The following DCLRE1A variants were observed in gnomAD, a reference collection of about 807,000 sequenced individuals.
DCLRE1A encodes the protein DNA cross-link repair 1A protein.
A neutral mutation model predicts 91.9 loss-of-function variants in DCLRE1A; 64 were observed. The observed-to-expected ratio is 0.70, with a 90% CI of 0.57 to 0.86. The LOEUF (loss-of-function observed/expected upper bound fraction) is 0.86. Among genes scored for constraint, DCLRE1A ranks in the 40% least tolerant of loss-of-function variants. The pLI, the probability that DCLRE1A is intolerant of heterozygous loss-of-function variation, is 0.00. For missense variants in DCLRE1A, 1,145 were observed against 1,213.3 expected (o/e 0.94, Z 0.84); for synonymous variants, 416 against 431.1 (o/e 0.96, Z 0.43).
At position 113,849,259 on chromosome 10, in the gene DCLRE1A, T is replaced by C. The variant is rs751572525; in HGVS notation, c.1846A>G (p.Thr616Ala). The change falls in exon 2 of 9, where the codon ACT becomes GCT. Residue 616 changes from threonine to alanine, a missense_variant. Coordinates refer to ENST00000361384, the MANE Select transcript of DCLRE1A (RefSeq NM_014881.5). ...ACAGAAAGCTGACTCTCATGTAAAGTACTTGCATCAAATTCTAAATCACTT... is the reference window on the plus strand; with the variant it reads ...ACAGAAAGCTGACTCTCATGTAAAGCACTTGCATCAAATTCTAAATCACTT... ...SLSDLEFDAS[T>A]LHESQLSVEL... 8.1e-6 allele frequency: 13 copies of C among 1,614,046 alleles called. No homozygotes were observed. The highest frequency in any genetic ancestry group is 3.3e-5 in the Admixed American group (2 of 60,012).
rs771177231 is a variant in DCLRE1A, at chr10:113,850,636, CAGGACACTCTGAA to C, written c.461-5_468del. 6.3e-7 allele frequency: 1 copy of C among 1,582,556 alleles called. No homozygotes were observed. The highest frequency in any genetic ancestry group is 8.6e-7 in the Non-Finnish European group (1 of 1,164,106). On this transcript the variant is annotated splice_acceptor_variant and splice_polypyrimidine_tract_variant and coding_sequence_variant and intron_variant, in exon 2 of 9. Transcript: ENST00000361384. LOFTEE classifies it high-confidence loss of function. Reference sequence around the variant, plus strand: ...ATGGTTGAGGTACACAGAAGACCATCAGGACACTCTGAAATTTTAATAAAGAAAAAATATTACA... The same window carrying C: ...ATGGTTGAGGTACACAGAAGACCATCATTTTAATAAAGAAAAAATATTACA...
intron 1 of DCLRE1A, among the ~76,000 whole-genome samples, chr10:113,852,507 A>G (rs1400653529): frequency 1.3e-5 from 2 of 152,252 alleles, no homozygotes; most frequent in Non-Finnish European, 2.9e-5. Context: ...TAATCCAGAT[A>G]CTTAGGAACT....
At chr10:113,845,211 G>C (rs1467774612) in intron 4 of DCLRE1A, among the ~76,000 whole-genome samples, 1 of 152,050 alleles carries the variant, frequency 6.6e-6, no homozygotes, top group Non-Finnish European at 1.5e-5. Flanking sequence ...GAAAAATGGA[G>C]GCCATTTCCA....
intron 1 of DCLRE1A, among the ~76,000 whole-genome samples, chr10:113,851,891 T>C (rs897064918): frequency 1.3e-5 from 2 of 152,116 alleles, no homozygotes; most frequent in Non-Finnish European, 1.5e-5. Flanking sequence ...GTAATTTTTT[T>C]TGTAAAGATG....
chr10:113,852,734 C>T lies in DCLRE1A; in HGVS notation c.449G>A (p.Arg150His), dbSNP rs768514726. ...TTCTGCAGTCTTACCTGTTTCAGAG[C>T]GTGGTGGAGAATCCAAACATTCAAA... ...HVFECLDSPPRSETECPDGLL... is the reference protein window; with the variant it reads ...HVFECLDSPPHSETECPDGLL... The change falls in exon 1 of 9, where the codon CGC (arginine) becomes CAC (histidine). Residue 150 changes from arginine to histidine, a missense_variant. Transcript: ENST00000361384. 3 of 1,613,132 alleles carry T rather than the reference C, an allele frequency of 1.9e-6. No individual in the cohort carries two copies. Among genetic ancestry groups the T allele is most frequent in the South Asian group, 1.1e-5 (1 of 90,960 alleles).
intron 7 of DCLRE1A, among the ~76,000 whole-genome samples, chr10:113,840,289 G>A (rs1478438732): frequency 1.1e-5 from 1 of 92,444 alleles, no homozygotes; most frequent in African/African-American, 4.4e-5. Flanking sequence ...GCGAGACTCT[G>A]TCTCCAAAAA....
intron 1 of DCLRE1A, among the ~76,000 whole-genome samples, chr10:113,851,205 C>T (rs2134671247): frequency 6.6e-6 from 1 of 152,320 alleles, no homozygotes; most frequent in African/African-American, 2.4e-5. Context: ...CCATGGACTC[C>T]AATTTCCATT....
At chr10:113,837,731 A>T (rs986939974) in intron 7 of DCLRE1A, among the ~76,000 whole-genome samples, 4 of 152,172 alleles carry the variant, frequency 2.6e-5, no homozygotes, top group Admixed American at 6.5e-5. Flanking sequence ...CATGAACTAG[A>T]TTTATTTTAA....
intron 8 of DCLRE1A, among the ~76,000 whole-genome samples, chr10:113,836,185 G>T (rs558891069): frequency 6.6e-6 from 1 of 152,262 alleles, no homozygotes; most frequent in African/African-American, 2.4e-5. Context: ...CCCAGTTTTA[G>T]ATAGTTCTTT....
In DCLRE1A at chr10:113,836,810, G is replaced by A. The variant is rs540566315; in HGVS notation, c.2962+252C>T. Among the ~76,000 whole-genome samples the A allele has an allele frequency of 2.6e-5, 4 of 152,172 alleles. No homozygotes were observed. In the South Asian group the frequency reaches 8.3e-4, roughly 32 times the overall value. ...ACAGTAGTCCTTTCAAGTTAATTCT[G>A]CGATTTCCTCTCAATATCACTGATC... On this transcript the variant is annotated intron_variant, in intron 8 of 8. Transcript: ENST00000361384.
rs749762530 is a variant in DCLRE1A, at chr10:113,850,462, A to G, written c.643T>C (p.Ser215Pro). Residue 215 changes from serine to proline, a missense_variant, in exon 2 of 9, where the codon TCG becomes CCG. By Grantham distance (74) the Ser-to-Pro change is moderately conservative. Transcript: ENST00000361384. Reference sequence around the variant, plus strand: ...GAGTTATCAGTTTGGTTCTGATACGAAGACCATCTTTCCTCAAGGCTACAA... The same window carrying G: ...GAGTTATCAGTTTGGTTCTGATACGGAGACCATCTTTCCTCAAGGCTACAA... Reference protein sequence around the residue: ...VLCSLEERWSSYQNQTDNSVS... With the variant: ...VLCSLEERWSPYQNQTDNSVS... 2 of 1,614,198 alleles carry G rather than the reference A, an allele frequency of 1.2e-6. No individual in the cohort carries two copies. Among genetic ancestry groups the G allele is most frequent in the East Asian group, 4.5e-5 (2 of 44,880 alleles).
intron 5 of DCLRE1A, among the ~76,000 whole-genome samples, chr10:113,843,037 C>T (rs1455402470): frequency 1.2e-4 from 18 of 146,232 alleles, no homozygotes; most frequent in African/African-American, 3.6e-4. Context: ...CACACACACA[C>T]ACACACACAC....
chr10:113,842,500 A>C lies in DCLRE1A; in HGVS notation c.2520-12T>G. 1 of 1,610,104 alleles carries C rather than the reference A, an allele frequency of 6.2e-7. No individual in the cohort carries two copies. Among genetic ancestry groups the C allele is most frequent in the East Asian group, 2.2e-5 (1 of 44,816 alleles). On this transcript the variant is annotated splice_polypyrimidine_tract_variant and intron_variant, in intron 5 of 8. Coordinates refer to ENST00000361384, the MANE Select transcript of DCLRE1A (RefSeq NM_014881.5). The stretch of plus-strand genomic sequence containing the variant: ...CTGGGCTACAATATCTGTGGTATGG[A>C]AACATGGTACTTACTAAAAGAACAA...
chr10:113,840,549 T>C (rs941994409), intron 7 of DCLRE1A, among the ~76,000 whole-genome samples: 10 of 152,128 alleles, frequency 6.6e-5, no homozygotes, highest in African/African-American at 2.4e-4. Flanking sequence ...ATTATTCTCT[T>C]ATCTTAGATT....
rs1453384532 is a variant in DCLRE1A, at chr10:113,848,978, A to G, written c.2125+2T>C. 1 of 1,607,330 alleles carries G rather than the reference A, an allele frequency of 6.2e-7. No homozygotes were observed. Among genetic ancestry groups the G allele is most frequent in the Non-Finnish European group, 8.5e-7 (1 of 1,177,308 alleles). On this transcript the variant is annotated splice_donor_variant, in intron 2 of 8. Coordinates refer to ENST00000361384, the MANE Select transcript of DCLRE1A (RefSeq NM_014881.5). LOFTEE classifies it high-confidence loss of function. ...ATATCGAGTATTGACATTTCAACTT[A>G]CCAGGTATTTTCTTATAGAATGGAC...
Position 113,853,042 on chromosome 10 carries a change from C to G in DCLRE1A, c.141G>C (p.Arg47=). The change falls in exon 1 of 9, where the codon CGG becomes CGC. Residue 47 remains arginine (R), a synonymous_variant. Coordinates refer to ENST00000361384, the MANE Select transcript of DCLRE1A (RefSeq NM_014881.5). Reference sequence around the variant, plus strand: ...CTGCGGCTCTTTTTCTGTTTCTACTCCGTTTTGACTGGTATTTTCCATCTG... The same window carrying G: ...CTGCGGCTCTTTTTCTGTTTCTACTGCGTTTTGACTGGTATTTTCCATCTG... ...KATDGKYQSK[R]SRNRKRAAEA... 6 of 1,613,936 alleles carry G rather than the reference C, an allele frequency of 3.7e-6. No homozygotes were observed. Among genetic ancestry groups the G allele is most frequent in the Non-Finnish European group, 5.1e-6 (6 of 1,180,000 alleles).
At chr10:113,843,025 C>T (rs1232777000) in intron 5 of DCLRE1A, among the ~76,000 whole-genome samples, 7 of 290 alleles carry the variant, frequency 0.024, no homozygotes, top group Admixed American at 0.062. Context: ...TACATGTGTA[C>T]ACACACACAC....
At chr10:113,843,832 G>T (rs1845485423) in intron 5 of DCLRE1A, among the ~76,000 whole-genome samples, 1 of 152,140 alleles carries the variant, frequency 6.6e-6, no homozygotes, top group Non-Finnish European at 1.5e-5. Context: ...CCTAAAGTTT[G>T]CTCCTAAGTT....
At chr10:113,852,183 A>C (rs1182678515) in intron 1 of DCLRE1A, among the ~76,000 whole-genome samples, 1 of 152,216 alleles carries the variant, frequency 6.6e-6, no homozygotes, top group Non-Finnish European at 1.5e-5. Flanking sequence ...AAAAATACAA[A>C]AAATTAGCCG....
Sources: allele counts gnomAD v4.1 joint callset (sites outside exome capture counted in the v4.1 genomes callset), GRCh38; gene constraint gnomAD v4.1.1; transcripts MANE v1.5; gene names NCBI Gene and HGNC (gene_info 2026-07-23, HGNC 2026-07-21).